The following CTIF variants were observed in gnomAD, a reference collection of about 807,000 sequenced individuals.
The protein encoded by CTIF is CBP80/20-dependent translation initiation factor.
In CTIF, 21 loss-of-function variants were observed where a neutral mutation model predicts 66.0. The ratio of observed to expected loss-of-function variants is 0.32; its 90% CI spans 0.23 to 0.46. CTIF has a LOEUF of 0.46. Among genes scored for constraint, CTIF ranks in the 20% least tolerant of loss-of-function variants. The pLI is 1.00. For missense variants in CTIF, 739 were observed against 812.7 expected (o/e 0.91, Z 1.10); for synonymous variants, 345 against 326.4 (o/e 1.06, Z -0.62).
In CTIF at chr18:48,761,582, G is replaced by A. The variant is rs146510674; in HGVS notation, c.1264G>A (p.Val422Met). The A allele has an allele frequency of 5.0e-6, 8 of 1,614,220 alleles. No homozygotes were observed. Among genetic ancestry groups the A allele is most frequent in the Non-Finnish European group, 5.9e-6 (7 of 1,180,048 alleles). Residue 422 changes from valine to methionine, a missense_variant, in exon 9 of 12, where the codon GTG becomes ATG. Physicochemically the swap from Val to Met is conservative, Grantham distance 21. Coordinates refer to ENST00000256413, the MANE Select transcript of CTIF (RefSeq NM_014772.3). This position sits in a 1 kb window ranked among gnomAD's most constrained non-coding sequence, Gnocchi z 4.2. ...CGTGCGCACAATCTACCAGAAGGCT[G>A]TGTCCGACCGCAGCTTCGCCTTCAC... is the stretch of plus-strand genomic sequence containing the variant. ...EIVRTIYQKA[V>M]SDRSFAFTAA...
At chr18:48,594,797 C>T (rs963294327) in intron 1 of CTIF, among the ~76,000 whole-genome samples, 8 of 152,214 alleles carry the variant, frequency 5.3e-5, no homozygotes, top group East Asian at 1.9e-4. Context: ...ATCCAAGGAA[C>T]GAGAACTGCC....
intron 1 of CTIF, among the ~76,000 whole-genome samples, chr18:48,605,716 C>A (rs755065313): frequency 1.3e-5 from 2 of 152,042 alleles, no homozygotes; most frequent in African/African-American, 4.8e-5. Context: ...CCAGACTAGC[C>A]TGTGGGAGGA....
chr18:48,716,360 C>A (rs1178792036), intron 7 of CTIF, among the ~76,000 whole-genome samples: 1 of 152,184 alleles, frequency 6.6e-6, no homozygotes, highest in Non-Finnish European at 1.5e-5. Flanking sequence ...CTGGGAGATG[C>A]TCCAGAATGC....
At chr18:48,760,018 C>T (rs1908806518) in intron 8 of CTIF, among the ~76,000 whole-genome samples, 2 of 152,128 alleles carry the variant, frequency 1.3e-5, no homozygotes, top group African/African-American at 2.4e-5. Flanking sequence ...GCAACACTTT[C>T]CTTCTCTCTT....
chr18:48,855,079 G>A (rs1383243275), intron 10 of CTIF, among the ~76,000 whole-genome samples: 1 of 152,232 alleles, frequency 6.6e-6, no homozygotes, highest in Admixed American at 6.5e-5. Flanking sequence ...AGTGAACTGT[G>A]CTGGCCTGGC....
At chr18:48,828,260 A>T (rs1021363866) in intron 10 of CTIF, among the ~76,000 whole-genome samples, 6 of 152,238 alleles carry the variant, frequency 3.9e-5, no homozygotes, top group Admixed American at 1.3e-4. Flanking sequence ...ACCAATCTCA[A>T]CATGGCTCAG....
At chr18:48,803,585 T>G (rs1046001843) in intron 9 of CTIF, among the ~76,000 whole-genome samples, 40 of 152,324 alleles carry the variant, frequency 2.6e-4, no homozygotes, top group African/African-American at 9.1e-4. Context: ...CAGCTGTTAT[T>G]TCTGCGTGTG....
In CTIF at chr18:48,761,600, G is replaced by T; in HGVS notation, c.1282G>T (p.Ala428Ser). 1.2e-6 allele frequency: 2 copies of T among 1,614,184 alleles called. No homozygotes were observed. The highest frequency in any genetic ancestry group is 1.7e-5 in the Admixed American group (1 of 60,032). ...GAAGGCTGTGTCCGACCGCAGCTTC[G>T]CCTTCACCGCTGCCAAGCTCTGCGA... ...YQKAVSDRSFAFTAAKLCDKM... is the reference protein window; with the variant it reads ...YQKAVSDRSFSFTAAKLCDKM... The change falls in exon 9 of 12, where the codon GCC (alanine) becomes TCC (serine). Residue 428 changes from alanine (A) to serine (S), a missense_variant. Transcript: ENST00000256413. The surrounding 1 kb of genome is among the most constrained non-coding windows in gnomAD (Gnocchi z 4.2).
At chr18:48,817,852 C>T (rs1391763521) in intron 10 of CTIF, among the ~76,000 whole-genome samples, 1 of 151,978 alleles carries the variant, frequency 6.6e-6, no homozygotes, top group African/African-American at 2.4e-5. Flanking sequence ...AAAGCCAGGT[C>T]TTTCTTCGTT....
intron 9 of CTIF, among the ~76,000 whole-genome samples, chr18:48,776,986 G>A (rs1031169328): frequency 6.6e-6 from 1 of 152,210 alleles, no homozygotes; most frequent in Admixed American, 6.5e-5. Context: ...ACATGGAGAG[G>A]TTAGAAGTCA....
At chr18:48,727,360 T>C (rs934900635) in intron 7 of CTIF, among the ~76,000 whole-genome samples, 2 of 152,210 alleles carry the variant, frequency 1.3e-5, no homozygotes, top group African/African-American at 4.8e-5. Context: ...CAGTGAATAC[T>C]CTGGGCTCTT....
At position 48,723,991 on chromosome 18, in the gene CTIF, A is replaced by G. The variant is rs1598929193; in HGVS notation, c.584+12296A>G. ...ATAGGCCCTCAAGTTCCCAGAGGCGATGCCTGTACTTAGCACCCACGGGGG... is the reference window on the plus strand; with the variant it reads ...ATAGGCCCTCAAGTTCCCAGAGGCGGTGCCTGTACTTAGCACCCACGGGGG... On this transcript the variant is annotated intron_variant, in intron 7 of 11. Transcript: ENST00000256413. 4.6e-5 allele frequency among the ~76,000 whole-genome samples: 7 copies of G among 152,300 alleles called. 1 individual carries two copies. The highest frequency in any genetic ancestry group is 4.6e-4 in the Admixed American group (7 of 15,304).
intron 7 of CTIF, among the ~76,000 whole-genome samples, chr18:48,721,756 C>T (rs532577534): frequency 1.2e-4 from 18 of 151,596 alleles, no homozygotes; most frequent in African/African-American, 3.4e-4. Context: ...TGCATCCCCC[C>T]CTCTCTGTCC....
At chr18:48,574,173 T>G (rs1392458436) in intron 1 of CTIF, among the ~76,000 whole-genome samples, 1 of 152,248 alleles carries the variant, frequency 6.6e-6, no homozygotes. Flanking sequence ...GGAGGGTCTC[T>G]GTTCCTGCCG....
At chr18:48,681,380 C>T (rs965191046) in intron 6 of CTIF, among the ~76,000 whole-genome samples, 2 of 152,196 alleles carry the variant, frequency 1.3e-5, no homozygotes, top group African/African-American at 4.8e-5. Flanking sequence ...GGTCCCTGTC[C>T]TTTGCAAGGG....
rs192353997 is a variant in CTIF, at chr18:48,595,775, C to T, written c.-28-23763C>T. 7.7e-4 allele frequency among the ~76,000 whole-genome samples: 117 copies of T among 152,314 alleles called. 1 individual carries two copies. Among genetic ancestry groups the T allele is most frequent in the African/African-American group, 2.5e-3 (105 of 41,580 alleles). On this transcript the variant is annotated intron_variant, in intron 1 of 11. Coordinates refer to ENST00000256413, the MANE Select transcript of CTIF (RefSeq NM_014772.3). ...ATTGGAGCTCTGCTTAGCTGAATCC[C>T]TTGCTCTGGGATCTCTCCGAGGCTG...
rs779104289 is a variant in CTIF at position 48,861,564 on chromosome 18, C to G, written c.*2005C>G. 62 of 152,554 alleles carry G rather than the reference C, an allele frequency of 4.1e-4. No homozygotes were observed. The highest frequency in any genetic ancestry group is 1.3e-3 in the African/African-American group (54 of 41,588). 9.5% of individuals were successfully genotyped at this position (152,554 alleles called of 1,614,324 possible). A position where few individuals can be genotyped will look rare whatever the true frequency, so the allele number is the denominator to read the frequency against. On this transcript the variant is annotated 3_prime_UTR_variant, in exon 12 of 12. Coordinates refer to ENST00000256413, the MANE Select transcript of CTIF (RefSeq NM_014772.3). ...CCTGTGCTTCAGTGGCCCCTGCCCC[C>G]CTGAAGCATGTGGGGTTTGTCCGCT...
intron 8 of CTIF, among the ~76,000 whole-genome samples, chr18:48,760,005 A>G (rs1217821048): frequency 6.6e-6 from 1 of 152,168 alleles, no homozygotes; most frequent in East Asian, 1.9e-4. Context: ...TTCATCAGGG[A>G]GAGCAACACT....
intron 9 of CTIF, among the ~76,000 whole-genome samples, chr18:48,788,833 G>A (rs574975592): frequency 2.0e-5 from 3 of 152,232 alleles, no homozygotes; most frequent in East Asian, 3.9e-4. Flanking sequence ...ACTCATCACC[G>A]GCCCAGAGGT....
Sources: allele counts gnomAD v4.1 joint callset (sites outside exome capture counted in the v4.1 genomes callset), GRCh38; gene constraint gnomAD v4.1.1; non-coding constraint Gnocchi (gnomAD v3.1); transcripts MANE v1.5; gene names NCBI Gene and HGNC (gene_info 2026-07-23, HGNC 2026-07-21).